The following SELENOF variants were observed in gnomAD, a reference collection of about 807,000 sequenced individuals.
The protein encoded by SELENOF is selenoprotein F.
In SELENOF, 16 loss-of-function variants were observed where a neutral mutation model predicts 20.5. That is an observed-to-expected ratio of 0.78 (90% CI 0.53 to 1.19). The LOEUF (loss-of-function observed/expected upper bound fraction) is 1.19, where lower values mean the gene tolerates loss of function less well. SELENOF is among the 50% of genes most tolerant of loss of function. The probability of loss-of-function intolerance (pLI) is 0.00; values close to 1 mark genes in which losing one functional copy is unlikely to be tolerated. For synonymous variants in SELENOF, 78 were observed against 74.5 expected, an observed-to-expected ratio of 1.05 and a Z score of -0.24; for missense variants, 215 against 194.2, an observed-to-expected ratio of 1.11 and a Z score of -0.64.
chr1:86,894,453 T>A (rs1659469504), intron 2 of SELENOF, among the ~76,000 whole-genome samples: 1 of 152,162 alleles, frequency 6.6e-6, no homozygotes, highest in Admixed American at 6.5e-5. Context: ...ATCTGAATAG[T>A]AAAAACCAAT....
At chr1:86,867,898 T>A (rs1553124859) in intron 4 of SELENOF, among the ~76,000 whole-genome samples, 155 bp downstream of exon 4, 1 of 152,000 alleles carries the variant, frequency 6.6e-6, no homozygotes, top group Non-Finnish European at 1.5e-5. Context: ...TCTATTAATT[T>A]AAAAAAATTA....
At chr1:86,873,433 T>A (rs1371821582) in intron 3 of SELENOF, among the ~76,000 whole-genome samples, 1 of 152,268 alleles carries the variant, frequency 6.6e-6, no homozygotes, top group Non-Finnish European at 1.5e-5. Flanking sequence ...AGAATAGGAC[T>A]TTCTAATAGA....
chr1:86,895,888 C>T (rs1020388132), intron 2 of SELENOF, among the ~76,000 whole-genome samples: 10 of 152,116 alleles, frequency 6.6e-5, no homozygotes, highest in Admixed American at 2.0e-4. Flanking sequence ...CTACAAGGAC[C>T]TTGGGAAACC....
intron 3 of SELENOF, among the ~76,000 whole-genome samples, chr1:86,870,215 T>C (rs962832631): frequency 3.3e-5 from 5 of 152,246 alleles, no homozygotes; most frequent in African/African-American, 7.2e-5. Context: ...TAGATAGCAA[T>C]AGCACTATAG....
At chr1:86,869,468 G>A (rs915728970) in intron 3 of SELENOF, among the ~76,000 whole-genome samples, 9 of 152,106 alleles carry the variant, frequency 5.9e-5, no homozygotes, top group Middle Eastern at 3.4e-3. Flanking sequence ...TTAAAAAGGC[G>A]AATATTTTCC....
At chr1:86,896,252 GA>G (rs1659521443) in intron 2 of SELENOF, among the ~76,000 whole-genome samples, 2 of 148,346 alleles carry the variant, frequency 1.3e-5, no homozygotes, top group East Asian at 2.1e-4. Flanking sequence ...TCAAAACAAA[GA>G]GGGGGGGAGG....
At chr1:86,894,643 A>G (rs1370679980) in intron 2 of SELENOF, among the ~76,000 whole-genome samples, 2 of 152,154 alleles carry the variant, frequency 1.3e-5, no homozygotes, top group Admixed American at 1.3e-4. Flanking sequence ...GTTCAAGACC[A>G]GTTTGGGCAA....
At chr1:86,882,247 C>CAAAAA (rs61037512) in intron 2 of SELENOF, among the ~76,000 whole-genome samples, 140 of 61,726 alleles carry the variant, frequency 2.3e-3, no homozygotes, top group Non-Finnish European at 3.0e-3. Flanking sequence ...GACTCTGTCT[C>CAAAAA]AAAAAAAAAA....
At chr1:86,866,002 T>C (rs1486365306) in intron 4 of SELENOF, among the ~76,000 whole-genome samples, 1 of 151,764 alleles carries the variant, frequency 6.6e-6, no homozygotes, top group Non-Finnish European at 1.5e-5. Flanking sequence ...CAAGACCAGC[T>C]TAGGCAACAT....
At chr1:86,878,333 T>C (rs1447547803) in intron 3 of SELENOF, among the ~76,000 whole-genome samples, 1 of 152,076 alleles carries the variant, frequency 6.6e-6, no homozygotes, top group African/African-American at 2.4e-5. Context: ...TAAGCTAGAG[T>C]ATAATGTAGG....
chr1:86,876,077 T>C (rs985072222), intron 3 of SELENOF, among the ~76,000 whole-genome samples: 2 of 151,410 alleles, frequency 1.3e-5, no homozygotes, highest in African/African-American at 4.9e-5. Flanking sequence ...GGTTGTTGTG[T>C]TGAAGAGGTA....
intron 1 of SELENOF, among the ~76,000 whole-genome samples, chr1:86,909,287 T>C (rs1659914506): frequency 6.6e-6 from 1 of 152,250 alleles, no homozygotes; most frequent in African/African-American, 2.4e-5. Flanking sequence ...TCAAGGTTTT[T>C]CTTGCTTTCT....
chr1:86,900,676 AG>A (rs1274142944), intron 2 of SELENOF, among the ~76,000 whole-genome samples: 9 of 151,904 alleles, frequency 5.9e-5, no homozygotes, highest in Non-Finnish European at 1.3e-4. Flanking sequence ...ACGGAGACAG[AG>A]ACGGAGACGG....
chr1:86,874,037 G>A (rs1658859887), intron 3 of SELENOF, among the ~76,000 whole-genome samples: 1 of 150,228 alleles, frequency 6.7e-6, no homozygotes, highest in Non-Finnish European at 1.5e-5. Context: ...TCTCAAATGT[G>A]TTCAATGAAA....
intron 3 of SELENOF, among the ~76,000 whole-genome samples, chr1:86,879,363 C>T (rs1173940925): frequency 6.6e-6 from 1 of 152,108 alleles, no homozygotes; most frequent in Non-Finnish European, 1.5e-5. Flanking sequence ...TAAATATCTT[C>T]TTTGCTACAT....
intron 2 of SELENOF, among the ~76,000 whole-genome samples, chr1:86,900,327 T>C (rs978932215): frequency 9.2e-5 from 14 of 152,300 alleles, no homozygotes; most frequent in Admixed American, 5.9e-4. Context: ...AGACACCGTC[T>C]GCAATCCCGG....
At chr1:86,895,864 G>A (rs1011757536) in intron 2 of SELENOF, among the ~76,000 whole-genome samples, 29 of 152,130 alleles carry the variant, frequency 1.9e-4, no homozygotes, top group Admixed American at 2.0e-4. Context: ...TATTTTGAAG[G>A]AGGAAGAAAG....
In SELENOF at chr1:86,897,532, T is replaced by C. The variant is rs543635807; in HGVS notation, c.252+5749A>G. Among the ~76,000 whole-genome samples the C allele has an allele frequency of 1.9e-3, 292 of 152,180 alleles. 1 individual carries two copies. The highest frequency in any genetic ancestry group is 6.7e-3 in the African/African-American group (277 of 41,520). On this transcript the variant is annotated intron_variant, in intron 2 of 4. Transcript: ENST00000331835. ...AAGTAGAAGTGGTTTACTCTAGTAA[T>C]TGAGGAATAAAGATATAAAATATCT...
intron 1 of SELENOF, 130 bp downstream of exon 1, chr1:86,913,898 C>A: frequency 1.2e-6 from 1 of 817,714 alleles, no homozygotes; most frequent in South Asian, 1.5e-5. Context: ...ACGTTGCATT[C>A]TGGCCGCAGC....
Sources: gnomAD v4.1 joint callset for allele counts (sites outside exome capture counted in the v4.1 genomes callset) on GRCh38, gnomAD v4.1.1 for gene constraint, MANE v1.5 for transcripts, NCBI Gene and HGNC (gene_info 2026-07-23, HGNC 2026-07-21) for gene names.